The following ROBO2 variants were observed in gnomAD, a reference collection of about 807,000 sequenced individuals.
ROBO2 encodes the protein roundabout homolog 2.
In ROBO2, 53 loss-of-function variants were observed where a neutral mutation model predicts 160.8. That is an observed-to-expected ratio of 0.33 (90% CI 0.26 to 0.41). The LOEUF (loss-of-function observed/expected upper bound fraction) is 0.41. Among genes scored for constraint, ROBO2 ranks in the 10% least tolerant of loss-of-function variants. The pLI is 1.00. For synonymous variants in ROBO2, 664 were observed against 611.7 expected, an observed-to-expected ratio of 1.09 and a Z score of -1.26; for missense variants, 1,577 against 1,722.4, an observed-to-expected ratio of 0.92 and a Z score of 1.49.
At chr3:76,508,979 T>C (rs1446055121) in intron 2 of ROBO2, among the ~76,000 whole-genome samples, 1 of 152,226 alleles carries the variant, frequency 6.6e-6, no homozygotes, top group East Asian at 1.9e-4. Context: ...TATGTAGATA[T>C]GTGAATCTGA....
chr3:77,595,164 A>G (rs946866857), exon 18 of ROBO2: 1 of 1,611,656 alleles, frequency 6.2e-7, no homozygotes, highest in African/African-American at 1.3e-5. Flanking sequence ...GAGGAGATGG[A>G]GGACTAATGA....
chr3:77,286,256 CTTTTT>C (rs10663209), intron 2 of ROBO2, among the ~76,000 whole-genome samples: 1 of 119,866 alleles, frequency 8.3e-6, no homozygotes, highest in Non-Finnish European at 1.7e-5. Context: ...AATTATGGAG[CTTTTT>C]TTTTTTTTTT....
At position 76,272,754 on chromosome 3, in the gene ROBO2, AATATAT is replaced by A. The variant is rs1297495250; in HGVS notation, c.109+335154_109+335159del. On this transcript the variant is annotated intron_variant, in intron 2 of 26. Transcript: ENST00000487694. Reference sequence around the variant, plus strand: ...TAAATATATATATTCTCTATATATAAATATATAATATATATTTATATATAAAATATA... The same window carrying A: ...TAAATATATATATTCTCTATATATAAAATATATATTTATATATAAAATATA... Among the ~76,000 whole-genome samples, 5 of 103,604 alleles carry A rather than the reference AATATAT, an allele frequency of 4.8e-5. 1 individual carries two copies. Among genetic ancestry groups the A allele is most frequent in the Admixed American group, 1.6e-4 (1 of 6,116 alleles). The allele number at this position is 103,604 out of a possible 152,430, so 68.0% of individuals were successfully genotyped here.
intron 2 of ROBO2, among the ~76,000 whole-genome samples, chr3:76,090,358 C>G (rs1032438004): frequency 6.6e-6 from 1 of 152,050 alleles, no homozygotes; most frequent in African/African-American, 2.4e-5. Context: ...AGGAGAATAG[C>G]TTGAGAATAG....
chr3:77,572,625 C>T (rs536128835), intron 13 of ROBO2, among the ~76,000 whole-genome samples: 1 of 127,102 alleles, frequency 7.9e-6, no homozygotes, highest in Non-Finnish European at 1.6e-5. Context: ...CTGGAATTAG[C>T]CGTACATAGA....
intron 1 of ROBO2, among the ~76,000 whole-genome samples, chr3:75,917,361 A>G (rs1946855513): frequency 6.6e-6 from 1 of 152,218 alleles, no homozygotes; most frequent in African/African-American, 2.4e-5. Context: ...TGCAAAGGAC[A>G]TGAACTCATC....
chr3:76,168,992 GA>G (rs1403473254), intron 2 of ROBO2, among the ~76,000 whole-genome samples: 1 of 151,798 alleles, frequency 6.6e-6, no homozygotes, highest in Non-Finnish European at 1.5e-5. Context: ...TGCACTTAAT[GA>G]TTCCCTGTAG....
intron 2 of ROBO2, among the ~76,000 whole-genome samples, chr3:76,217,405 A>G (rs1376570293): frequency 2.6e-5 from 4 of 152,204 alleles, no homozygotes; most frequent in Non-Finnish European, 5.9e-5. Flanking sequence ...AACAAAATTG[A>G]TAAACCTCTA....
At chr3:77,104,736 G>T (rs1008929917) in intron 2 of ROBO2, among the ~76,000 whole-genome samples, 3 of 152,098 alleles carry the variant, frequency 2.0e-5, no homozygotes, top group African/African-American at 7.2e-5. Context: ...ATGAAACACA[G>T]TCATAAAACA....
intron 2 of ROBO2, among the ~76,000 whole-genome samples, chr3:77,128,241 C>T (rs1487436146): frequency 6.6e-6 from 1 of 152,152 alleles, no homozygotes; most frequent in Non-Finnish European, 1.5e-5. Context: ...CAGTGCTTAC[C>T]TATTCAGTGC....
intron 6 of ROBO2, among the ~76,000 whole-genome samples, chr3:77,523,375 G>A (rs1388343526): frequency 6.6e-6 from 1 of 151,334 alleles, no homozygotes; most frequent in African/African-American, 2.4e-5. Flanking sequence ...TTCCAAAGGT[G>A]AAAATGAATA....
At chr3:76,086,926 A>G (rs1294163621) in intron 2 of ROBO2, among the ~76,000 whole-genome samples, 2 of 152,176 alleles carry the variant, frequency 1.3e-5, no homozygotes, top group Admixed American at 6.6e-5. Context: ...TCATTAACAG[A>G]CTAGATGTGT....
At chr3:75,923,489 A>T (rs1947151785) in intron 1 of ROBO2, among the ~76,000 whole-genome samples, 1 of 152,246 alleles carries the variant, frequency 6.6e-6, no homozygotes, top group Non-Finnish European at 1.5e-5. Flanking sequence ...CACATTGCAG[A>T]CAGAGCCTGA....
intron 1 of ROBO2, among the ~76,000 whole-genome samples, chr3:77,046,696 T>C (rs2064703357): frequency 6.6e-6 from 1 of 152,214 alleles, no homozygotes; most frequent in African/African-American, 2.4e-5. Context: ...TTCTTAGCCC[T>C]GGAACTCCTT....
intron 2 of ROBO2, among the ~76,000 whole-genome samples, chr3:76,227,134 G>A (rs1002459419): frequency 2.0e-5 from 3 of 152,178 alleles, no homozygotes; most frequent in Non-Finnish European, 4.4e-5. Context: ...ATAAAATGTG[G>A]TAATTCCTTT....
rs1473705386 is a variant in ROBO2, at chr3:77,416,733, AAAAAG to A, written c.389-60677_389-60673del. 2.0e-5 allele frequency among the ~76,000 whole-genome samples: 3 copies of A among 151,730 alleles called. No individual in the cohort carries two copies. In the South Asian group the frequency reaches 6.2e-4, roughly 31 times the overall value. ...TTCCATCTCAAAAAAAAAAAAAAAA[AAAAAG>A]AAAGGAAATTTATCTGCCTCCTGCT... On this transcript the variant is annotated intron_variant, in intron 2 of 25. Transcript: ENST00000461745.
intron 2 of ROBO2, among the ~76,000 whole-genome samples, chr3:76,799,519 A>G (rs1296499327): frequency 6.6e-6 from 1 of 150,486 alleles, no homozygotes; most frequent in East Asian, 1.9e-4. Flanking sequence ...AAAAAAACCC[A>G]GTAAAGTGGC....
At chr3:76,008,427 A>G (rs1289549702) in intron 2 of ROBO2, among the ~76,000 whole-genome samples, 3 of 152,126 alleles carry the variant, frequency 2.0e-5, no homozygotes, top group African/African-American at 7.2e-5. Flanking sequence ...AAGGGTAAGT[A>G]TTAGCAGTGT....
chr3:76,805,512 CAT>C (rs757190807), intron 2 of ROBO2, among the ~76,000 whole-genome samples: 46 of 151,748 alleles, frequency 3.0e-4, no homozygotes, highest in Non-Finnish European at 6.0e-4. Context: ...TACACACACA[CAT>C]ATGTATATAT....
Sources: allele counts gnomAD v4.1 joint callset (sites outside exome capture counted in the v4.1 genomes callset), GRCh38; gene constraint gnomAD v4.1.1; transcripts MANE v1.5; gene names NCBI Gene and HGNC (gene_info 2026-07-23, HGNC 2026-07-21).